TMEM243: variants seen among roughly 807,000 people sequenced by gnomAD.
The protein encoded by TMEM243 is transmembrane protein 243, also known as MDR1 and mitochondrial taxol resistance associated.
A neutral mutation model predicts 15.0 loss-of-function variants in TMEM243; 20 were observed. The observed-to-expected ratio is 1.33, with a 90% confidence interval of 0.94 to 1.93. TMEM243 has a LOEUF of 1.93. Ranked by LOEUF, TMEM243 falls within the 30% of genes most tolerant of loss-of-function variation. The pLI is 0.00. For synonymous variants in TMEM243, 72 were observed against 52.7 expected, an observed-to-expected ratio of 1.37 and a Z score of -1.59; for missense variants, 156 against 142.1, an observed-to-expected ratio of 1.10 and a Z score of -0.50.
intron 1 of TMEM243, among the ~76,000 whole-genome samples, chr7:87,210,059 G>A (rs911677149): frequency 8.0e-6 from 1 of 124,408 alleles, no homozygotes; most frequent in Non-Finnish European, 1.7e-5. Flanking sequence ...AGGGGAAGGG[G>A]GGACAGATGG....
chr7:87,198,089 G>T, intron 2 of TMEM243, 44 bp from the exon 3 acceptor site: 2 of 1,529,384 alleles, frequency 1.3e-6, no homozygotes, highest in South Asian at 1.2e-5. Context: ...GTAATTCCAA[G>T]ACTTGGTAAT....
At position 87,198,700 on chromosome 7, in the gene TMEM243, T is replaced by C. The variant is rs552292659; in HGVS notation, c.129+307A>G. On this transcript the variant is annotated intron_variant, in intron 2 of 3. Transcript: ENST00000257637. Reference sequence around the variant, plus strand: ...ATGGATATGTTCTTCAGGAACAAAATAGAAATGGGGAATTATGGTAGATGA... The same window carrying C: ...ATGGATATGTTCTTCAGGAACAAAACAGAAATGGGGAATTATGGTAGATGA... 6 of 413,210 alleles carry C rather than the reference T, an allele frequency of 1.5e-5. No individual in the cohort carries two copies. In the East Asian group the frequency reaches 2.0e-4, roughly 14 times the overall value. 25.6% of individuals were successfully genotyped at this position (413,210 alleles called of 1,614,324 possible).
chr7:87,209,764 G>GCGAGAC (rs1802570608), intron 1 of TMEM243, among the ~76,000 whole-genome samples: 2 of 117,564 alleles, frequency 1.7e-5, no homozygotes, highest in Non-Finnish European at 3.7e-5. Flanking sequence ...GCGAGACAGT[G>GCGAGAC]AGAGCGAGAC....
chr7:87,217,958 T>A (rs941727264), intron 1 of TMEM243, among the ~76,000 whole-genome samples: 4 of 152,234 alleles, frequency 2.6e-5, no homozygotes, highest in Admixed American at 6.5e-5. Context: ...ACAAGAGCTA[T>A]GAGTTAAAAG....
Position 87,197,953 on chromosome 7 carries a change from A to G in TMEM243, c.222T>C (p.Thr74=). 1 of 1,613,148 alleles carries G rather than the reference A, an allele frequency of 6.2e-7. No homozygotes were observed. Residue 74 remains threonine, a synonymous_variant, in exon 3 of 4, where the codon ACT becomes ACC. Transcript: ENST00000257637. ...FAVCISLSSI[T]ACILIYWYRQ... ...CAACAGTACTTACAAGTATGCAGGC[A>G]GTAATACTACTCAAAGAGATGCAGA...
At chr7:87,209,517 TGA>T (rs760169369) in intron 1 of TMEM243, among the ~76,000 whole-genome samples, 45 of 64,890 alleles carry the variant, frequency 6.9e-4, no homozygotes, top group African/African-American at 2.1e-3. Flanking sequence ...AGAAAGACAG[TGA>T]GAGAGAGAGT....
At chr7:87,217,506 C>G (rs966774530) in intron 1 of TMEM243, among the ~76,000 whole-genome samples, 5 of 152,230 alleles carry the variant, frequency 3.3e-5, no homozygotes, top group African/African-American at 1.2e-4. Flanking sequence ...GGCCTCTCCT[C>G]TCTCAGATGT....
At position 87,210,655 on chromosome 7, in the gene TMEM243, C is replaced by T. The variant is rs112438793; in HGVS notation, c.78+8771G>A. Among the ~76,000 whole-genome samples, 4 of 152,350 alleles carry T rather than the reference C, an allele frequency of 2.6e-5. 1 individual carries two copies. Among genetic ancestry groups the T allele is most frequent in the African/African-American group, 7.2e-5 (3 of 41,582 alleles). On this transcript the variant is annotated intron_variant, in intron 1 of 3. Transcript: ENST00000257637. ...GGCTCTATGTTTCACATCTAGGCCACACTAATGCAAGGAGTGGGCTCCTAA... is the reference window on the plus strand; with the variant it reads ...GGCTCTATGTTTCACATCTAGGCCATACTAATGCAAGGAGTGGGCTCCTAA...
intron 1 of TMEM243, among the ~76,000 whole-genome samples, chr7:87,204,673 G>A (rs1032021358): frequency 6.6e-5 from 10 of 152,232 alleles, no homozygotes; most frequent in African/African-American, 2.4e-4. Context: ...ATGGTCTTGG[G>A]TGGCTCTGCC....
At chr7:87,216,255 C>A (rs1372778679) in intron 1 of TMEM243, among the ~76,000 whole-genome samples, 3 of 115,808 alleles carry the variant, frequency 2.6e-5, no homozygotes, top group Non-Finnish European at 4.9e-5. Context: ...GCCTGGGCAA[C>A]AGAGTGAGAC....
upstream of TMEM243, chr7:87,220,257 T>TC (rs1159858568): frequency 1.3e-5 from 2 of 153,174 alleles, no homozygotes; most frequent in African/African-American, 4.8e-5. Context: ...GCCGCTGCTC[T>TC]CCCCGCGCTC....
At chr7:87,202,047 A>T (rs1044712040) in intron 1 of TMEM243, among the ~76,000 whole-genome samples, 1 of 152,206 alleles carries the variant, frequency 6.6e-6, no homozygotes, top group Non-Finnish European at 1.5e-5. Context: ...CGTTGTGTGC[A>T]TACATACATG....
At chr7:87,197,715 T>TGG in intron 3 of TMEM243, 1 of 275,570 alleles carries the variant, frequency 3.6e-6, no homozygotes, top group Non-Finnish European at 4.8e-6. Context: ...TTTTTTTTTT[T>TGG]TAAGCTATCA....
rs2129215276 is a variant in TMEM243, at chr7:87,196,449, CT to C, written c.*186del. 2 of 540,810 alleles carry C rather than the reference CT, an allele frequency of 3.7e-6. No homozygotes were observed. The highest frequency in any genetic ancestry group is 5.9e-5 in the South Asian group (2 of 33,974). 33.5% of individuals were successfully genotyped at this position (540,810 alleles called of 1,614,324 possible). ...GAATGTTTAGGTGCAACATCAGCTC[CT>C]TAAAGAAAAAGCAAAGTGATCTAGG... On this transcript the variant is annotated 3_prime_UTR_variant, in exon 4 of 4. Coordinates refer to ENST00000257637, the MANE Select transcript of TMEM243 (RefSeq NM_024315.4).
At chr7:87,198,515 TTC>T (rs1162027005) in intron 2 of TMEM243, 1 of 168,490 alleles carries the variant, frequency 5.9e-6, no homozygotes. Flanking sequence ...TGGAAAAAAA[TTC>T]TCTTAAATTT....
chr7:87,212,429 C>A (rs770335625), intron 1 of TMEM243, among the ~76,000 whole-genome samples: 3 of 152,074 alleles, frequency 2.0e-5, no homozygotes, highest in Non-Finnish European at 2.9e-5. Context: ...TATGAGCCAA[C>A]TATAAGAAAA....
Position 87,196,437 on chromosome 7 carries a change from C to G in TMEM243, c.*199G>C, listed in dbSNP as rs1466342993. ...CTTTAAGGGTTGGAATGTTTAGGTG[C>G]AACATCAGCTCCTTAAAGAAAAAGC... On this transcript the variant is annotated 3_prime_UTR_variant, in exon 4 of 4. Coordinates refer to ENST00000257637, the MANE Select transcript of TMEM243 (RefSeq NM_024315.4). 1 of 487,544 alleles carries G rather than the reference C, an allele frequency of 2.1e-6. No individual in the cohort carries two copies. The highest frequency in any genetic ancestry group is 2.0e-5 in the African/African-American group (1 of 48,812). 30.2% of individuals were successfully genotyped at this position (487,544 alleles called of 1,614,324 possible).
At chr7:87,209,356 GGAA>G (rs1347115757) in intron 1 of TMEM243, among the ~76,000 whole-genome samples, 1 of 151,838 alleles carries the variant, frequency 6.6e-6, no homozygotes, top group Non-Finnish European at 1.5e-5. Context: ...TTGAGAGGGG[GGAA>G]GAAGAGGGGA....
rs149355204 is a variant in TMEM243, at chr7:87,198,341, A to G, written c.130-296T>C. ...TCCCAGGATTAATGATTCTGCTGGT[A>G]AAAGTTCTAGCCATTTTGTTATTTT... On this transcript the variant is annotated intron_variant, in intron 2 of 3. Transcript: ENST00000257637. 1,682 of 304,708 alleles carry G rather than the reference A, an allele frequency of 5.5e-3. 7 individuals are homozygous for G. The highest frequency in any genetic ancestry group is 7.2e-3 in the Non-Finnish European group (1,199 of 166,440). 18.9% of individuals were successfully genotyped at this position (304,708 alleles called of 1,614,324 possible).
Sources: allele counts gnomAD v4.1 joint callset (sites outside exome capture counted in the v4.1 genomes callset), GRCh38; gene constraint gnomAD v4.1.1; transcripts MANE v1.5; gene names NCBI Gene and HGNC (gene_info 2026-07-23, HGNC 2026-07-21).